Variants in PARD3B observed in about 807,000 individuals in gnomAD.
PARD3B encodes the protein par-3 family cell polarity regulator beta.
A neutral mutation model predicts 130.2 loss-of-function variants in PARD3B; 103 were observed. The observed-to-expected ratio is 0.79, with a 90% CI of 0.67 to 0.93. The LOEUF is 0.93. Among genes scored for constraint, PARD3B ranks in the 40% least tolerant of loss-of-function variants. PARD3B has a pLI of 0.00. For synonymous variants in PARD3B, 583 were observed against 553.2 expected, an observed-to-expected ratio of 1.05 and a Z score of -0.76; for missense variants, 1,609 against 1,499.2, an observed-to-expected ratio of 1.07 and a Z score of -1.21.
chr2:204,640,912 ATATTTAC>A (rs2035053856), intron 1 of PARD3B, among the ~76,000 whole-genome samples: 1 of 147,988 alleles, frequency 6.8e-6, no homozygotes, highest in African/African-American at 2.5e-5. Context: ...TTTTATATAT[ATATTTAC>A]TATATATAAT....
chr2:205,062,195 AT>A (rs903337135), intron 4 of PARD3B, among the ~76,000 whole-genome samples: 12 of 152,156 alleles, frequency 7.9e-5, no homozygotes, highest in African/African-American at 1.7e-4. Context: ...GAAGTGTAGT[AT>A]TTTTTTATGT....
chr2:204,792,997 C>A (rs2042249956), intron 2 of PARD3B, among the ~76,000 whole-genome samples: 1 of 151,630 alleles, frequency 6.6e-6, no homozygotes, highest in Non-Finnish European at 1.5e-5. Context: ...TTTTAGATTT[C>A]TTTAGGCTGC....
intron 3 of PARD3B, among the ~76,000 whole-genome samples, chr2:205,036,596 CTG>C (rs1697922670): frequency 6.7e-6 from 1 of 148,972 alleles, no homozygotes; most frequent in African/African-American, 2.5e-5. Context: ...ACACAGCGGA[CTG>C]TATGTACAAA....
chr2:204,593,080 G>GT (rs2033143070), intron 1 of PARD3B, among the ~76,000 whole-genome samples: 1 of 152,110 alleles, frequency 6.6e-6, no homozygotes, highest in Non-Finnish European at 1.5e-5. Context: ...TTAATTAAGT[G>GT]TTTTTTCCAG....
At chr2:205,111,536 C>T (rs1428812905) in intron 5 of PARD3B, among the ~76,000 whole-genome samples, 1 of 151,744 alleles carries the variant, frequency 6.6e-6, no homozygotes, top group African/African-American at 2.4e-5. Flanking sequence ...TTTATTATGT[C>T]TTATAGAAGG....
intron 2 of PARD3B, among the ~76,000 whole-genome samples, chr2:204,804,218 G>T (rs1182416113): frequency 2.6e-5 from 4 of 152,084 alleles, no homozygotes; most frequent in Admixed American, 1.3e-4. Context: ...GACAGAGTAA[G>T]ACCCTGTCTC....
At chr2:204,771,125 C>T (rs943718089) in intron 2 of PARD3B, among the ~76,000 whole-genome samples, 4 of 152,026 alleles carry the variant, frequency 2.6e-5, no homozygotes, top group African/African-American at 9.7e-5. Flanking sequence ...GGAAACCAGG[C>T]CTTTGTTAGT....
At chr2:205,050,308 A>G (rs1474516651) in intron 4 of PARD3B, among the ~76,000 whole-genome samples, 1 of 151,908 alleles carries the variant, frequency 6.6e-6, no homozygotes, top group Non-Finnish European at 1.5e-5. Flanking sequence ...CTAGTTCACC[A>G]CAGGCAAGTG....
intron 21 of PARD3B, among the ~76,000 whole-genome samples, chr2:205,507,070 A>G (rs1025516286): frequency 5.3e-5 from 8 of 152,146 alleles, no homozygotes; most frequent in African/African-American, 9.7e-5. Context: ...AGGAGGAGAT[A>G]GTCTCTCTGT....
chr2:204,815,766 T>C (rs1376230247), intron 2 of PARD3B, among the ~76,000 whole-genome samples: 1 of 152,054 alleles, frequency 6.6e-6, no homozygotes, highest in Non-Finnish European at 1.5e-5. Flanking sequence ...TTTGATTTCT[T>C]CATTGACCCT....
chr2:204,602,530 A>G (rs1398224509), intron 1 of PARD3B, among the ~76,000 whole-genome samples: 1 of 152,116 alleles, frequency 6.6e-6, no homozygotes, highest in African/African-American at 2.4e-5. Flanking sequence ...ATCTGTGGTT[A>G]GTAAAATGTC....
chr2:205,133,018 G>A (rs1271270959), intron 10 of PARD3B, among the ~76,000 whole-genome samples: 1 of 152,138 alleles, frequency 6.6e-6, no homozygotes, highest in Non-Finnish European at 1.5e-5. Flanking sequence ...TCTGTATCTA[G>A]TCTGCATTCA....
chr2:205,191,655 T>G (rs578194541), intron 14 of PARD3B, among the ~76,000 whole-genome samples: 2 of 152,338 alleles, frequency 1.3e-5, no homozygotes, highest in Admixed American at 1.3e-4. Flanking sequence ...TGTCCTTACT[T>G]TACAAATCTT....
chr2:205,422,769 C>T (rs2047013564), intron 19 of PARD3B, among the ~76,000 whole-genome samples: 1 of 152,060 alleles, frequency 6.6e-6, no homozygotes, highest in Non-Finnish European at 1.5e-5. Context: ...CAAAGGGCCA[C>T]TAGGTAGGCC....
intron 19 of PARD3B, among the ~76,000 whole-genome samples, chr2:205,439,344 A>C (rs1012250054): frequency 1.3e-5 from 2 of 152,080 alleles, no homozygotes; most frequent in South Asian, 2.1e-4. Flanking sequence ...GCATCGTCTT[A>C]TCTCTCCTCT....
chr2:205,256,942 T>A (rs16837123), intron 16 of PARD3B, among the ~76,000 whole-genome samples: 18,664 of 151,944 alleles, frequency 0.12, 1,331 homozygotes, highest in African/African-American at 0.2. Context: ...ATAAGGAAAA[T>A]CATAATTAGG....
At chr2:205,566,649 G>A (rs141311055) in intron 22 of PARD3B, among the ~76,000 whole-genome samples, 31 of 152,318 alleles carry the variant, frequency 2.0e-4, no homozygotes, top group African/African-American at 7.0e-4. Flanking sequence ...GTGCCCTAGA[G>A]ATGTCTCGAC....
chr2:205,193,023 A>G (rs2036478299), intron 14 of PARD3B, among the ~76,000 whole-genome samples, 182 bp from the exon 15 acceptor site: 1 of 152,244 alleles, frequency 6.6e-6, no homozygotes, highest in Admixed American at 6.5e-5. Context: ...GTGTGATAAA[A>G]TACATGAAAA....
chr2:205,123,434 T>C (rs981838920), intron 8 of PARD3B, among the ~76,000 whole-genome samples: 4 of 151,992 alleles, frequency 2.6e-5, no homozygotes, highest in Non-Finnish European at 4.4e-5. Context: ...ATTGGAGCCA[T>C]AGAGATTTAG....
Sources: allele counts gnomAD v4.1 joint callset (sites outside exome capture counted in the v4.1 genomes callset), GRCh38; gene constraint gnomAD v4.1.1; transcripts MANE v1.5; gene names NCBI Gene and HGNC (gene_info 2026-07-23, HGNC 2026-07-21).